Variants in PFKFB4 observed in about 807,000 individuals in gnomAD.
PFKFB4 encodes the protein 6-phosphofructo-2-kinase/fructose-2,6-biphosphatase 4.
PFKFB4 carries 42 observed loss-of-function variants against 62.8 expected under a neutral mutation model. The ratio of observed to expected loss-of-function variants is 0.67; its 90% confidence interval spans 0.52 to 0.86. The LOEUF (loss-of-function observed/expected upper bound fraction) is 0.86, where lower values mean the gene tolerates loss of function less well. Ranked by LOEUF, PFKFB4 falls within the 40% of genes least tolerant of loss-of-function variation. The pLI is 0.00. For missense variants in PFKFB4, 475 were observed against 627.2 expected (o/e 0.76, Z 2.59); for synonymous variants, 204 against 240.7 (o/e 0.85, Z 1.41).
intron 10 of PFKFB4, among the ~76,000 whole-genome samples, chr3:48,525,135 C>T (rs1186873885): frequency 6.6e-6 from 1 of 152,190 alleles, no homozygotes; most frequent in African/African-American, 2.4e-5. Context: ...GCCATTTGAG[C>T]GCCCCGGAAA....
chr3:48,531,610 C>T (rs1372693474), intron 9 of PFKFB4, among the ~76,000 whole-genome samples: 6 of 149,972 alleles, frequency 4.0e-5, no homozygotes, highest in East Asian at 2.0e-4. Flanking sequence ...CATGAGCCAC[C>T]GCACCCGGCC....
chr3:48,549,613 C>A (rs2043068186), intron 3 of PFKFB4, among the ~76,000 whole-genome samples: 1 of 152,062 alleles, frequency 6.6e-6, no homozygotes, highest in Admixed American at 6.6e-5. Context: ...CACAACACAC[C>A]CTCTCCTCTC....
rs769910590 is a variant in PFKFB4 at position 48,525,587 on chromosome 3, C to T, written c.1070G>A (p.Arg357Gln). 4.4e-6 allele frequency: 7 copies of T among 1,599,778 alleles called. No homozygotes were observed. The highest frequency in any genetic ancestry group is 1.3e-5 in the African/African-American group (1 of 74,178). The stretch of plus-strand genomic sequence containing the variant: ...TACCTCCCCTTTAGGGTACCGGTAC[C>T]GGTACTTGTCCTGGTCCCGCAGGGC... ...EFALRDQDKY[R>Q]YRYPKGESYE... Residue 357 changes from arginine (R) to glutamine (Q), a missense_variant, in exon 10 of 14, where the codon CGG becomes CAG. Transcript: ENST00000232375.
chr3:48,534,671 GAA>G (rs778682381), intron 9 of PFKFB4, among the ~76,000 whole-genome samples: 21 of 90,328 alleles, frequency 2.3e-4, no homozygotes, highest in Admixed American at 2.5e-4. Context: ...ATCTTGTCTT[GAA>G]AAAAAAAAAA....
intron 9 of PFKFB4, chr3:48,525,917 T>A (rs1294765703): frequency 3.3e-6 from 1 of 307,218 alleles, no homozygotes; most frequent in Non-Finnish European, 6.0e-6. Context: ...CACACAGAGA[T>A]GCTATGTGTT....
chr3:48,530,321 C>T (rs746341913), intron 9 of PFKFB4, among the ~76,000 whole-genome samples: 1 of 151,882 alleles, frequency 6.6e-6, no homozygotes, highest in African/African-American at 2.4e-5. Context: ...CCAATTACAT[C>T]GAAAAAACAG....
chr3:48,554,648 C>T (rs2043256487), intron 1 of PFKFB4, among the ~76,000 whole-genome samples: 1 of 152,160 alleles, frequency 6.6e-6, no homozygotes, highest in South Asian at 2.1e-4. Context: ...CGGGGGTTGG[C>T]TTGGAGCTGA....
intron 9 of PFKFB4, among the ~76,000 whole-genome samples, chr3:48,531,275 A>C (rs1159682320): frequency 6.6e-6 from 1 of 151,518 alleles, no homozygotes; most frequent in Non-Finnish European, 1.5e-5. Context: ...CCGAGGTGGG[A>C]TCACCTGAGG....
chr3:48,522,195 C>A, intron 12 of PFKFB4, 145 bp from the exon 13 acceptor site: 1 of 724,950 alleles, frequency 1.4e-6, no homozygotes, highest in South Asian at 1.6e-5. Context: ...CTTTAGGCAG[C>A]TCTGGGGAGC....
upstream of PFKFB4, among the ~76,000 whole-genome samples, chr3:48,560,085 T>C (rs577900146): frequency 9.9e-5 from 15 of 152,114 alleles, no homozygotes; most frequent in Non-Finnish European, 4.4e-5. Flanking sequence ...CCACCACATC[T>C]GGCCCACAAA....
chr3:48,525,126 C>T (rs1165113525), intron 10 of PFKFB4, among the ~76,000 whole-genome samples: 2 of 152,136 alleles, frequency 1.3e-5, no homozygotes, highest in Non-Finnish European at 2.9e-5. Flanking sequence ...AACTCCCCAG[C>T]CATTTGAGCG....
At chr3:48,541,832 G>A (rs1165269990) in intron 4 of PFKFB4, among the ~76,000 whole-genome samples, 1 of 152,126 alleles carries the variant, frequency 6.6e-6, no homozygotes, top group Admixed American at 6.6e-5. Context: ...CAAGCATGGT[G>A]GCACGTGCCT....
chr3:48,522,489 C>T (rs1424992039), intron 12 of PFKFB4, among the ~76,000 whole-genome samples: 1 of 152,232 alleles, frequency 6.6e-6, no homozygotes, highest in Non-Finnish European at 1.5e-5. Context: ...TGCCACTGGG[C>T]TTCACAGCCA....
chr3:48,521,993 CT>C lies in PFKFB4; in HGVS notation c.1342del (p.Arg448GlyfsTer29), dbSNP rs2042110353. The C allele has an allele frequency of 6.2e-7, 1 of 1,614,024 alleles. No homozygotes were observed. The highest frequency in any genetic ancestry group is 8.5e-7 in the Non-Finnish European group (1 of 1,179,876). ...NVAAVNTHRD[R>X]PQNVDISRPP... is the part of the protein sequence containing the mutation. ...CAGTGACCCCATTGCTACCTGAGGC[CT>C]GTCCCGGTGCGTGTTCACAGCAGCC... On this transcript the variant is annotated frameshift_variant, in exon 13 of 14. Coordinates refer to ENST00000232375, the MANE Select transcript of PFKFB4 (RefSeq NM_004567.4). LOFTEE classifies it high-confidence loss of function. The surrounding 1 kb of genome is among the most constrained non-coding windows in gnomAD (Gnocchi z 5.3).
chr3:48,561,144 C>G (rs573852231), upstream of PFKFB4: 6 of 1,244,526 alleles, frequency 4.8e-6, no homozygotes, highest in Non-Finnish European at 6.3e-6. The surrounding 1 kb of genome is among the most constrained non-coding windows in gnomAD (Gnocchi z 5.2). Flanking sequence ...AGGGCCACTG[C>G]CCCCTGCAGC....
chr3:48,539,429 G>T (rs2042734206), intron 5 of PFKFB4, 119 bp from the exon 6 acceptor site: 1 of 916,306 alleles, frequency 1.1e-6, no homozygotes, highest in South Asian at 1.4e-5. Context: ...CAAGCAGCCA[G>T]GCCCTGAAAC....
At chr3:48,524,729 G>A (rs561366187) in intron 10 of PFKFB4, among the ~76,000 whole-genome samples, 4 of 152,196 alleles carry the variant, frequency 2.6e-5, no homozygotes, top group Non-Finnish European at 4.4e-5. Context: ...TGTCAGCCTG[G>A]CTTCTGGGTG....
At position 48,521,730 on chromosome 3, in the gene PFKFB4, C is replaced by T. The variant is rs111944002; in HGVS notation, c.1350+256G>A. ...TCAAGTCCTGGGGCTCCAACCACACCCAAGTTCAGGCACTCCTGAGCCTGG... is the reference window on the plus strand; with the variant it reads ...TCAAGTCCTGGGGCTCCAACCACACTCAAGTTCAGGCACTCCTGAGCCTGG... On this transcript the variant is annotated intron_variant, in intron 13 of 13. Coordinates refer to ENST00000232375, the MANE Select transcript of PFKFB4 (RefSeq NM_004567.4). This position sits in a 1 kb window ranked among gnomAD's most constrained non-coding sequence, Gnocchi z 5.3. 6.6e-6 allele frequency among the ~76,000 whole-genome samples: 1 copy of T among 152,178 alleles called. No homozygotes were observed. Among genetic ancestry groups the T allele is most frequent in the African/African-American group, 2.4e-5 (1 of 41,442 alleles).
chr3:48,523,481 G>T, intron 12 of PFKFB4, 56 bp downstream of exon 12: 1 of 1,488,330 alleles, frequency 6.7e-7, no homozygotes, highest in Non-Finnish European at 9.4e-7. Context: ...TCATGGAACT[G>T]TGCAGAGATC....
Sources: gnomAD v4.1 joint callset for allele counts (sites outside exome capture counted in the v4.1 genomes callset) on GRCh38, gnomAD v4.1.1 for gene constraint, Gnocchi (gnomAD v3.1) non-coding constraint, MANE v1.5 for transcripts, NCBI Gene and HGNC (gene_info 2026-07-23, HGNC 2026-07-21) for gene names.